DPP10: variants seen among roughly 807,000 people sequenced by gnomAD.
DPP10 encodes the protein dipeptidyl peptidase like 10, also known as inactive dipeptidyl peptidase 10.
A neutral mutation model predicts 120.9 loss-of-function variants in DPP10; 33 were observed. The observed-to-expected ratio is 0.27, with a 90% CI of 0.21 to 0.37. DPP10 has a LOEUF of 0.37. DPP10 is among the 10% of genes least tolerant of loss of function. The probability of loss-of-function intolerance (pLI) is 1.00; values close to 1 mark genes in which losing one functional copy is unlikely to be tolerated. For synonymous variants in DPP10, 337 were observed against 326.1 expected (o/e 1.03, Z -0.36); for missense variants, 816 against 942.8 (o/e 0.87, Z 1.76).
At chr2:114,644,861 C>A (rs145597533) in intron 1 of DPP10, among the ~76,000 whole-genome samples, 7 of 151,776 alleles carry the variant, frequency 4.6e-5, no homozygotes, top group African/African-American at 2.4e-5. Flanking sequence ...TCTTTCTGAT[C>A]GAGTGGGTAA....
At chr2:114,629,746 C>T (rs772969844) in intron 1 of DPP10, among the ~76,000 whole-genome samples, 2 of 151,876 alleles carry the variant, frequency 1.3e-5, no homozygotes, top group East Asian at 1.9e-4. Context: ...ATGTGTATAC[C>T]GTTGAAGCAG....
intron 3 of DPP10, among the ~76,000 whole-genome samples, chr2:115,447,447 T>C (rs921117791): frequency 6.6e-6 from 1 of 152,106 alleles, no homozygotes; most frequent in Non-Finnish European, 1.5e-5. Flanking sequence ...GAAAAGGGCA[T>C]GAGATTTGGG....
At chr2:114,765,934 G>T (rs1680670777) in intron 1 of DPP10, among the ~76,000 whole-genome samples, 1 of 151,738 alleles carries the variant, frequency 6.6e-6, no homozygotes, top group Non-Finnish European at 1.5e-5. Flanking sequence ...GCCTCTCAGG[G>T]GTCATACAGA....
intron 5 of DPP10, among the ~76,000 whole-genome samples, chr2:115,600,781 G>T (rs886996068): frequency 1.3e-5 from 2 of 152,194 alleles, no homozygotes; most frequent in Non-Finnish European, 2.9e-5. Flanking sequence ...ATCACGAGGG[G>T]AAACTTCAGT....
intron 1 of DPP10, among the ~76,000 whole-genome samples, chr2:114,971,577 T>C (rs1011041139): frequency 2.0e-5 from 3 of 152,184 alleles, no homozygotes; most frequent in Non-Finnish European, 4.4e-5. Flanking sequence ...TTAAGTTTGC[T>C]GTGACATAAA....
chr2:115,256,290 C>A (rs1469723497), intron 1 of DPP10, among the ~76,000 whole-genome samples: 1 of 152,162 alleles, frequency 6.6e-6, no homozygotes. Flanking sequence ...ATCAAAAGAA[C>A]AGCATGGAGG....
intron 1 of DPP10, among the ~76,000 whole-genome samples, chr2:114,996,494 T>C (rs551695394): frequency 1.3e-5 from 2 of 152,316 alleles, no homozygotes; most frequent in African/African-American, 4.8e-5. Context: ...ATGAAACACA[T>C]ACTGAAGACA....
chr2:114,807,544 G>C (rs1009958538), intron 1 of DPP10, among the ~76,000 whole-genome samples: 1 of 151,504 alleles, frequency 6.6e-6, no homozygotes, highest in Admixed American at 6.6e-5. Context: ...TTCCTTATTT[G>C]GTTTATATGT....
At chr2:114,941,267 C>T (rs572990814) in intron 1 of DPP10, among the ~76,000 whole-genome samples, 14 of 152,246 alleles carry the variant, frequency 9.2e-5, no homozygotes, top group African/African-American at 3.4e-4. Flanking sequence ...ATCTTGTTGT[C>T]AAATGTTCAC....
At chr2:114,850,479 G>T (rs1688868793) in intron 1 of DPP10, among the ~76,000 whole-genome samples, 3 of 152,014 alleles carry the variant, frequency 2.0e-5, no homozygotes, top group Admixed American at 6.6e-5. Flanking sequence ...AATGTGCATT[G>T]CTTGATACAA....
intron 3 of DPP10, among the ~76,000 whole-genome samples, chr2:115,469,516 C>A (rs1391671886): frequency 6.6e-6 from 1 of 152,142 alleles, no homozygotes; most frequent in Non-Finnish European, 1.5e-5. Context: ...AACTTTATAT[C>A]TGTTTAAAGA....
At chr2:114,518,069 ATTTTTTTTTTTTT>A (rs751351962) in intron 1 of DPP10, among the ~76,000 whole-genome samples, 1 of 54,138 alleles carries the variant, frequency 1.8e-5, no homozygotes, top group African/African-American at 6.8e-5. Context: ...TGAGCTATTC[ATTTTTTTTTTTTT>A]TTTTTTTTTT....
chr2:115,217,198 A>G (rs572755004), intron 1 of DPP10, among the ~76,000 whole-genome samples: 1 of 152,300 alleles, frequency 6.6e-6, no homozygotes, highest in African/African-American at 2.4e-5. Flanking sequence ...TACGTCTGCT[A>G]ATTACCAGCT....
intron 5 of DPP10, among the ~76,000 whole-genome samples, chr2:115,631,037 C>CTTTTTTTT (rs58468918): frequency 8.1e-5 from 9 of 111,346 alleles, no homozygotes; most frequent in African/African-American, 1.8e-4. Context: ...TGATCCTGGG[C>CTTTTTTTT]TTTTTTTTTT....
chr2:115,403,249 C>CTTCA (rs1178861170), intron 3 of DPP10, among the ~76,000 whole-genome samples: 4 of 151,948 alleles, frequency 2.6e-5, no homozygotes, highest in Admixed American at 2.6e-4. Context: ...AAAAAATGTA[C>CTTCA]TTCAGCACAA....
intron 1 of DPP10, among the ~76,000 whole-genome samples, chr2:115,143,046 C>T (rs998682638): frequency 3.9e-5 from 6 of 152,090 alleles, no homozygotes; most frequent in Non-Finnish European, 7.4e-5. Flanking sequence ...AGAAAAAATC[C>T]AGCATTTGGC....
At chr2:114,792,139 T>C (rs976130732) in intron 1 of DPP10, among the ~76,000 whole-genome samples, 1 of 152,190 alleles carries the variant, frequency 6.6e-6, no homozygotes, top group Admixed American at 6.5e-5. Flanking sequence ...TATCATAGCC[T>C]ATGAAATAAA....
At chr2:114,532,488 C>A (rs1190011881) in intron 1 of DPP10, among the ~76,000 whole-genome samples, 2 of 151,760 alleles carry the variant, frequency 1.3e-5, no homozygotes, top group East Asian at 3.9e-4. Context: ...TACCTACCCA[C>A]TACCCAGGTA....
intron 5 of DPP10, among the ~76,000 whole-genome samples, chr2:115,535,371 T>A (rs2078751570): frequency 6.6e-6 from 1 of 151,940 alleles, no homozygotes; most frequent in African/African-American, 2.4e-5. Flanking sequence ...AAATAGGGAA[T>A]CCTTTCCCCA....
Sources: gnomAD v4.1 joint callset for allele counts (sites outside exome capture counted in the v4.1 genomes callset) on GRCh38, gnomAD v4.1.1 for gene constraint, MANE v1.5 for transcripts, NCBI Gene and HGNC (gene_info 2026-07-23, HGNC 2026-07-21) for gene names.